DAB1: variants seen among roughly 807,000 people sequenced by gnomAD.
DAB1 encodes DAB adaptor protein 1.
Under a neutral mutation model 64.6 loss-of-function variants are expected in DAB1, and 15 were observed. The observed-to-expected ratio is 0.23, with a 90% CI of 0.16 to 0.36. The LOEUF (loss-of-function observed/expected upper bound fraction) is 0.36, where lower values mean the gene tolerates loss of function less well. DAB1 is among the 10% of genes least tolerant of loss of function. DAB1 has a pLI of 1.00. For missense variants in DAB1, 596 were observed against 706.7 expected (o/e 0.84, Z 1.78); for synonymous variants, 235 against 251.9 (o/e 0.93, Z 0.64).
intron 3 of DAB1, chr1:58,469,127 T>C (rs2100326296): frequency 6.2e-6 from 1 of 160,222 alleles, no homozygotes; most frequent in South Asian, 2.0e-4. Flanking sequence ...ACCACTTTCA[T>C]TTATTTTTGG....
At position 57,871,074 on chromosome 1, in the gene DAB1, G is replaced by A. The variant is rs146196607; in HGVS notation, n.87+12925C>T. Among the ~76,000 whole-genome samples, 790 of 152,222 alleles carry A rather than the reference G, an allele frequency of 5.2e-3. 4 individuals are homozygous for A. Among genetic ancestry groups the A allele is most frequent in the Middle Eastern group, 0.014 (4 of 294 alleles). On this transcript the variant is annotated intron_variant and non_coding_transcript_variant, in intron 1 of 1. Transcript: ENST00000477280. ...CCAGCCATGGGCTTTCCTTGTGAAC[G>A]AGATATACCAGGATCCCTGCCTCTT...
At chr1:57,733,551 T>C (rs2101777935) in intron 6 of DAB1, among the ~76,000 whole-genome samples, 1 of 152,190 alleles carries the variant, frequency 6.6e-6, no homozygotes, top group East Asian at 1.9e-4. Flanking sequence ...GGTCATTTAT[T>C]TACTATGCAT....
At chr1:58,423,259 CCA>C (rs762593465) in intron 3 of DAB1, among the ~76,000 whole-genome samples, 4 of 152,168 alleles carry the variant, frequency 2.6e-5, no homozygotes, top group Non-Finnish European at 5.9e-5. Flanking sequence ...TGACTACATC[CCA>C]GTCTTAGACC....
At chr1:58,471,209 C>T (rs1025560225) in intron 3 of DAB1, among the ~76,000 whole-genome samples, 1 of 152,244 alleles carries the variant, frequency 6.6e-6, no homozygotes, top group South Asian at 2.1e-4. Flanking sequence ...ATGTTGGTAT[C>T]CCCAGGATTT....
At chr1:57,070,655 C>T (rs1414020613) in intron 7 of DAB1, 3 of 241,992 alleles carry the variant, frequency 1.2e-5, no homozygotes, top group African/African-American at 2.3e-5. Context: ...TCAGCCCCCA[C>T]CTCTGGTTCT....
intron 4 of DAB1, among the ~76,000 whole-genome samples, chr1:58,207,689 T>C (rs922402857): frequency 6.6e-6 from 1 of 152,168 alleles, no homozygotes; most frequent in Non-Finnish European, 1.5e-5. Context: ...GCAGGAGAAA[T>C]AGATAGATAC....
chr1:57,820,708 T>C (rs1652077913), intron 6 of DAB1, among the ~76,000 whole-genome samples: 1 of 152,212 alleles, frequency 6.6e-6, no homozygotes, highest in African/African-American at 2.4e-5. Context: ...CTCTTTGCCA[T>C]ACATCTATCC....
At chr1:57,682,959 C>G (rs1308561631) in intron 6 of DAB1, among the ~76,000 whole-genome samples, 6 of 152,198 alleles carry the variant, frequency 3.9e-5, no homozygotes, top group Non-Finnish European at 8.8e-5. Flanking sequence ...CACAGGACAG[C>G]CTCTGCAGCC....
rs201217203 is a variant in DAB1 at position 57,237,359 on chromosome 1, C to CT, written c.67+53604dup. Among the ~76,000 whole-genome samples, 840 of 152,248 alleles carry CT rather than the reference C, an allele frequency of 5.5e-3. 14 individuals carry two copies. Among genetic ancestry groups the CT allele is most frequent in the African/African-American group, 0.019 (796 of 41,550 alleles). ...AATTAAACACAAACCACTTCCTAGA[C>CT]TTTTTTAATAGCCTGGAGGTAAGCC... On this transcript the variant is annotated intron_variant, in intron 2 of 14. Coordinates refer to ENST00000371236, the MANE Select transcript of DAB1 (RefSeq NM_001365792.1).
chr1:58,184,118 T>C (rs144757059), intron 4 of DAB1, among the ~76,000 whole-genome samples: 165 of 152,082 alleles, frequency 1.1e-3, no homozygotes, highest in African/African-American at 3.9e-3. Flanking sequence ...TTTAAGGGAG[T>C]AGAGAAGTCC....
intron 14 of DAB1, among the ~76,000 whole-genome samples, chr1:57,000,210 A>T (rs1645804028): frequency 6.6e-6 from 1 of 151,750 alleles, no homozygotes; most frequent in East Asian, 1.9e-4. Flanking sequence ...CGCCCGGCTA[A>T]TTTTTTATAT....
At chr1:58,182,041 T>A (rs944730050) in intron 4 of DAB1, among the ~76,000 whole-genome samples, 1 of 152,018 alleles carries the variant, frequency 6.6e-6, no homozygotes, top group African/African-American at 2.4e-5. Flanking sequence ...TGCAGAATAG[T>A]TTTGCTGGAA....
chr1:57,295,581 T>C (rs966571950), intron 1 of DAB1, among the ~76,000 whole-genome samples: 15 of 152,098 alleles, frequency 9.9e-5, no homozygotes, highest in Non-Finnish European at 1.3e-4. Flanking sequence ...GTATGTGAGA[T>C]TTGGAAGATA....
At chr1:57,136,156 A>T (rs1248045155) in intron 4 of DAB1, among the ~76,000 whole-genome samples, 2 of 152,172 alleles carry the variant, frequency 1.3e-5, no homozygotes, top group African/African-American at 4.8e-5. Flanking sequence ...GTTAAACTCA[A>T]GAGAGTCTGG....
intron 5 of DAB1, among the ~76,000 whole-genome samples, chr1:58,129,093 C>A (rs1346636881): frequency 6.8e-5 from 10 of 147,838 alleles, no homozygotes; most frequent in African/African-American, 2.5e-4. Flanking sequence ...GTCCTGGACT[C>A]TTTTTGGTTG....
At chr1:58,259,207 A>G (rs1660998465) in intron 4 of DAB1, among the ~76,000 whole-genome samples, 1 of 152,226 alleles carries the variant, frequency 6.6e-6, no homozygotes, top group South Asian at 2.1e-4. Flanking sequence ...ACAGAGACAT[A>G]GGATCCAGAG....
chr1:57,362,605 A>G (rs1679644817), intron 1 of DAB1, among the ~76,000 whole-genome samples: 1 of 152,080 alleles, frequency 6.6e-6, no homozygotes, highest in South Asian at 2.1e-4. Flanking sequence ...TCCCCTTATA[A>G]AAGAGGCCTC....
intron 5 of DAB1, among the ~76,000 whole-genome samples, chr1:58,054,510 A>G (rs1341115217): frequency 6.6e-6 from 1 of 152,228 alleles, no homozygotes; most frequent in African/African-American, 2.4e-5. Flanking sequence ...TGGGTTGAGA[A>G]ACCTGCATCT....
chr1:57,064,572 C>G (rs1650720985), intron 8 of DAB1, among the ~76,000 whole-genome samples: 2 of 152,068 alleles, frequency 1.3e-5, no homozygotes, highest in South Asian at 4.2e-4. Context: ...ACCTTGAGGC[C>G]CTTGGACAGA....
Sources: gnomAD v4.1 joint callset for allele counts (sites outside exome capture counted in the v4.1 genomes callset) on GRCh38, gnomAD v4.1.1 for gene constraint, MANE v1.5 for transcripts, NCBI Gene and HGNC (gene_info 2026-07-23, HGNC 2026-07-21) for gene names.